SQOR: variants seen among roughly 807,000 people sequenced by gnomAD.
SQOR encodes sulfide:quinone oxidoreductase, mitochondrial.
Under a neutral mutation model 48.6 loss-of-function variants are expected in SQOR, and 39 were observed. The observed-to-expected ratio is 0.80, with a 90% confidence interval of 0.62 to 1.05. The LOEUF (loss-of-function observed/expected upper bound fraction) is 1.05, where lower values mean the gene tolerates loss of function less well. Ranked by LOEUF, SQOR falls within the 50% of genes least tolerant of loss-of-function variation. The pLI is 0.00. For synonymous variants in SQOR, 220 were observed against 206.2 expected, an observed-to-expected ratio of 1.07 and a Z score of -0.57; for missense variants, 561 against 559.9, an observed-to-expected ratio of 1.00 and a Z score of -0.02.
chr15:45,689,223 T>C lies in SQOR; in HGVS notation c.1295+6T>C, dbSNP rs1457834807. On this transcript the variant is annotated splice_donor_region_variant and intron_variant, in intron 9 of 9. Coordinates refer to ENST00000260324, the MANE Select transcript of SQOR (RefSeq NM_021199.4). ...TATTGGAATATGATGCTAAGGTAAG[T>C]GCACTGCCTGGTTCCTGGATGAGGA... The C allele has an allele frequency of 6.2e-7, 1 of 1,613,484 alleles. No homozygotes were observed. The highest frequency in any genetic ancestry group is 1.7e-5 in the Admixed American group (1 of 59,970).
chr15:45,634,519 T>C (rs951041576), upstream of SQOR, among the ~76,000 whole-genome samples: 1 of 151,942 alleles, frequency 6.6e-6, no homozygotes, highest in Admixed American at 6.6e-5. Flanking sequence ...CTGCGCGTTT[T>C]GAAGGAAGGG....
intron 9 of SQOR, 161 bp downstream of exon 9, chr15:45,689,378 C>T: frequency 1.7e-6 from 1 of 581,942 alleles, no homozygotes; most frequent in Admixed American, 3.4e-5. Context: ...AATAGTAAAT[C>T]ACTTTCACAT....
chr15:45,684,009 T>A (rs1207218002), intron 7 of SQOR, among the ~76,000 whole-genome samples: 1 of 152,050 alleles, frequency 6.6e-6, no homozygotes, highest in Non-Finnish European at 1.5e-5. Context: ...TCTCCCAGGT[T>A]CAAGCGATTC....
At chr15:45,662,694 A>T (rs1889743670) in intron 3 of SQOR, among the ~76,000 whole-genome samples, 1 of 152,210 alleles carries the variant, frequency 6.6e-6, no homozygotes, top group Non-Finnish European at 1.5e-5. Flanking sequence ...CAGGGGTCAA[A>T]GCTTTTCAGC....
At position 45,689,105 on chromosome 15, in the gene SQOR, T is replaced by A; in HGVS notation, c.1183T>A (p.Tyr395Asn). 6.2e-7 allele frequency: 1 copy of A among 1,614,184 alleles called. No individual in the cohort carries two copies. Among genetic ancestry groups the A allele is most frequent in the Admixed American group, 1.7e-5 (1 of 60,022 alleles). ...YNRVILAEFD[Y>N]KAEPLETFPF... The stretch of plus-strand genomic sequence containing the variant: ...CCGTGTGATTCTTGCTGAGTTTGAC[T>A]ACAAAGCAGAGCCGCTAGAAACCTT... Residue 395 changes from tyrosine (Y) to asparagine (N), a missense_variant, in exon 9 of 10, where the codon TAC (tyrosine) becomes AAC (asparagine). Coordinates refer to ENST00000260324, the MANE Select transcript of SQOR (RefSeq NM_021199.4).
At chr15:45,663,240 A>G (rs1889752730) in intron 3 of SQOR, among the ~76,000 whole-genome samples, 1 of 151,676 alleles carries the variant, frequency 6.6e-6, no homozygotes. Flanking sequence ...GCTGGCTCGA[A>G]CTCTTGACCT....
At chr15:45,647,330 T>TC (rs1428903423) in intron 1 of SQOR, among the ~76,000 whole-genome samples, 3 of 147,122 alleles carry the variant, frequency 2.0e-5, no homozygotes, top group Non-Finnish European at 4.5e-5. Flanking sequence ...TACTTTAACT[T>TC]TTTTTTTTTT....
intron 2 of SQOR, 97 bp downstream of exon 2, chr15:45,659,254 G>A (rs970282017): frequency 4.9e-5 from 51 of 1,033,552 alleles, no homozygotes; most frequent in Non-Finnish European, 6.5e-5. Flanking sequence ...TGACTATCAA[G>A]CAATGGGTCT....
chr15:45,660,119 T>C (rs1393769010), intron 2 of SQOR, among the ~76,000 whole-genome samples: 1 of 152,210 alleles, frequency 6.6e-6, no homozygotes, highest in Non-Finnish European at 1.5e-5. Context: ...CAGAAAAATA[T>C]TCAAGATTTT....
At chr15:45,677,947 A>G (rs1339681569) in intron 6 of SQOR, among the ~76,000 whole-genome samples, 1 of 152,174 alleles carries the variant, frequency 6.6e-6, no homozygotes, top group Non-Finnish European at 1.5e-5. Flanking sequence ...ACCTCAAGCC[A>G]TCCACCTGCT....
chr15:45,656,659 T>C (rs1369716822), intron 1 of SQOR, among the ~76,000 whole-genome samples: 1 of 152,170 alleles, frequency 6.6e-6, no homozygotes, highest in Non-Finnish European at 1.5e-5. Flanking sequence ...TCAAAATCAC[T>C]CATTATTCTA....
chr15:45,636,594 G>A (rs1488292594), intron 1 of SQOR, among the ~76,000 whole-genome samples: 1 of 151,824 alleles, frequency 6.6e-6, no homozygotes, highest in East Asian at 1.9e-4. Flanking sequence ...AGTAGAGACA[G>A]GATTTCACCA....
At chr15:45,685,891 T>C (rs923474117) in intron 7 of SQOR, among the ~76,000 whole-genome samples, 1 of 151,756 alleles carries the variant, frequency 6.6e-6, no homozygotes, top group Non-Finnish European at 1.5e-5. Context: ...CAGGGTGGAG[T>C]GTAGTAGAGT....
intron 4 of SQOR, among the ~76,000 whole-genome samples, chr15:45,671,846 C>T (rs555990030): frequency 1.8e-4 from 27 of 152,260 alleles, no homozygotes; most frequent in Middle Eastern, 3.4e-3. Context: ...GGATAGTCCA[C>T]GGCTCCCCAG....
At chr15:45,635,828 A>C (rs988482212) in intron 1 of SQOR, among the ~76,000 whole-genome samples, 27 of 146,338 alleles carry the variant, frequency 1.8e-4, no homozygotes, top group African/African-American at 6.6e-4. Flanking sequence ...GGAAGGCTAA[A>C]GACTCTCAGA....
In SQOR at chr15:45,669,930, C is replaced by G; in HGVS notation, c.408C>G (p.Ile136Met). Residue 136 changes from isoleucine to methionine, a missense_variant and splice_region_variant, in exon 4 of 10, where the codon ATC (isoleucine) becomes ATG (methionine). Ile to Met is a conservative substitution (Grantham distance 10). Transcript: ENST00000260324. The part of the protein sequence containing the change: ...NCIHTDDDEK[I>M]SYRYLIIALG... ...AATAATGTCTTTTTGTGTTGCAGAT[C>G]TCCTACCGATATCTTATTATTGCTC... The G allele has an allele frequency of 2.5e-6, 4 of 1,613,906 alleles. No homozygotes were observed. The highest frequency in any genetic ancestry group is 3.4e-6 in the Non-Finnish European group (4 of 1,179,770).
At chr15:45,663,224 G>A (rs183185009) in intron 3 of SQOR, among the ~76,000 whole-genome samples, 21 of 152,132 alleles carry the variant, frequency 1.4e-4, no homozygotes, top group Admixed American at 6.5e-5. Flanking sequence ...TTACCATGTT[G>A]GCCAGGCTGG....
At chr15:45,680,799 T>G (rs929969082) in intron 6 of SQOR, among the ~76,000 whole-genome samples, 5 of 152,178 alleles carry the variant, frequency 3.3e-5, no homozygotes, top group African/African-American at 9.7e-5. Context: ...GATGATTATA[T>G]GAAAGTATTT....
At chr15:45,636,644 C>T (rs1354708998) in intron 1 of SQOR, among the ~76,000 whole-genome samples, 3 of 152,000 alleles carry the variant, frequency 2.0e-5, no homozygotes, top group East Asian at 1.9e-4. Context: ...CCTTGTGATA[C>T]GCCCACCTTG....
Sources: gnomAD v4.1 joint callset for allele counts (sites outside exome capture counted in the v4.1 genomes callset) on GRCh38, gnomAD v4.1.1 for gene constraint, MANE v1.5 for transcripts, NCBI Gene and HGNC (gene_info 2026-07-23, HGNC 2026-07-21) for gene names.